Variants in DIS3L2 observed in about 807,000 individuals in gnomAD.
The protein encoded by DIS3L2 is DIS3 like 3'-5' exoribonuclease 2, also known as DIS3-like exonuclease 2.
In DIS3L2, 34 loss-of-function variants were observed where a neutral mutation model predicts 97.5. The observed-to-expected ratio is 0.35, with a 90% CI of 0.27 to 0.46. DIS3L2 has a LOEUF of 0.46. Ranked by LOEUF, DIS3L2 falls within the 20% of genes least tolerant of loss-of-function variation. DIS3L2 has a pLI of 1.00. For missense variants in DIS3L2, 1,038 were observed against 1,146.0 expected (o/e 0.91, Z 1.36); for synonymous variants, 435 against 445.2 (o/e 0.98, Z 0.29).
Position 232,270,881 on chromosome 2 carries a change from TC to T in DIS3L2, c.1659+7442del, listed in dbSNP as rs1376543410. Among the ~76,000 whole-genome samples, 662 of 132,434 alleles carry T rather than the reference TC, an allele frequency of 5.0e-3. 2 individuals carry two copies. The highest frequency in any genetic ancestry group is 6.0e-3 in the Non-Finnish European group (368 of 61,092). The allele number at this position is 132,434 out of a possible 152,430, so 86.9% of individuals were successfully genotyped here. A position where few individuals can be genotyped will look rare whatever the true frequency, so the allele number is the denominator to read the frequency against. On this transcript the variant is annotated intron_variant, in intron 13 of 20. Coordinates refer to ENST00000325385, the MANE Select transcript of DIS3L2 (RefSeq NM_152383.5). Reference sequence around the variant, plus strand: ...TCTCGTCTCTCTCTCTCTCTCTCTCTCTCTCTCTCTCTCTCTCTCTCTCTCT... The same window carrying T: ...TCTCGTCTCTCTCTCTCTCTCTCTCTTCTCTCTCTCTCTCTCTCTCTCTCT...
chr2:231,971,436 G>A (rs1054857550), intron 1 of DIS3L2, among the ~76,000 whole-genome samples: 8 of 151,184 alleles, frequency 5.3e-5, no homozygotes, highest in African/African-American at 1.9e-4. Flanking sequence ...GTGCCACCAC[G>A]CCCAGCTCAT....
At chr2:232,163,807 T>C (rs1329072419) in intron 9 of DIS3L2, among the ~76,000 whole-genome samples, 175 bp downstream of exon 9, 1 of 152,266 alleles carries the variant, frequency 6.6e-6, no homozygotes, top group Non-Finnish European at 1.5e-5. Flanking sequence ...TCTAGCCTAC[T>C]ACCTGTTTAT....
intron 14 of DIS3L2, among the ~76,000 whole-genome samples, chr2:232,301,552 A>G (rs10804383): frequency 0.23 from 34,986 of 152,102 alleles, 5,786 homozygotes; most frequent in East Asian, 0.49. Context: ...CCACATCTCC[A>G]CTGGGATTAC....
At chr2:232,309,603 C>G (rs1375633945) in intron 14 of DIS3L2, among the ~76,000 whole-genome samples, 1 of 152,014 alleles carries the variant, frequency 6.6e-6, no homozygotes, top group African/African-American at 2.4e-5. Context: ...CTCAGCACCC[C>G]CACCAGCTAG....
chr2:232,278,927 TTTTG>T (rs996673055), intron 13 of DIS3L2, among the ~76,000 whole-genome samples: 54 of 152,268 alleles, frequency 3.5e-4, no homozygotes, highest in African/African-American at 1.1e-3. Context: ...ATCAGCAATT[TTTTG>T]TTTGTTTGTT....
rs190644572 is a variant in DIS3L2, at chr2:232,068,829, T to C, written c.367-18658T>C. ...AGCTTATTTTTAATTTTAATTTTAA[T>C]TTTTTTCTTGAGACAGTCTCACTCT... On this transcript the variant is annotated intron_variant, in intron 5 of 20. Transcript: ENST00000325385. Among the ~76,000 whole-genome samples the C allele has an allele frequency of 2.8e-3, 427 of 152,166 alleles. 1 individual carries two copies. The highest frequency in any genetic ancestry group is 4.7e-3 in the Non-Finnish European group (317 of 68,008).
At chr2:231,973,625 C>T (rs1692987423) in intron 1 of DIS3L2, among the ~76,000 whole-genome samples, 1 of 152,062 alleles carries the variant, frequency 6.6e-6, no homozygotes, top group Non-Finnish European at 1.5e-5. Context: ...TCCTTCAGCT[C>T]AAGGGATCCT....
intron 1 of DIS3L2, among the ~76,000 whole-genome samples, chr2:231,991,977 G>T (rs1693598040): frequency 6.6e-6 from 1 of 152,184 alleles, no homozygotes; most frequent in Non-Finnish European, 1.5e-5. Context: ...CACTTCACGT[G>T]CTAAATGATG....
At chr2:232,199,124 A>G (rs576203290) in intron 9 of DIS3L2, among the ~76,000 whole-genome samples, 1 of 152,290 alleles carries the variant, frequency 6.6e-6, no homozygotes, top group East Asian at 1.9e-4. Flanking sequence ...TTGACCTCTG[A>G]TATCTTCTTC....
chr2:232,158,904 A>G (rs1399400250), intron 8 of DIS3L2, among the ~76,000 whole-genome samples: 1 of 152,164 alleles, frequency 6.6e-6, no homozygotes, highest in African/African-American at 2.4e-5. Flanking sequence ...GTTGTCTTTA[A>G]CCTAAACAAC....
At chr2:232,343,855 C>A in exon 14 of DIS3L2, 1 of 352,574 alleles carries the variant, frequency 2.8e-6, no homozygotes, top group South Asian at 4.8e-5. Context: ...CAGAGCTTCC[C>A]TTTATGGAGC....
chr2:232,051,055 G>T (rs1292737269), intron 5 of DIS3L2, among the ~76,000 whole-genome samples: 1 of 152,204 alleles, frequency 6.6e-6, no homozygotes, highest in Non-Finnish European at 1.5e-5. Context: ...AGGAAGAGAC[G>T]CATGCATTCC....
rs2106354647 is a variant in DIS3L2, at chr2:232,334,642, C to G, written c.2301C>G (p.Pro767=). The change falls in exon 19 of 21, where the codon CCC becomes CCG. Residue 767 remains proline (P), a synonymous_variant. Coordinates refer to ENST00000325385, the MANE Select transcript of DIS3L2 (RefSeq NM_152383.5). ...CACTGTCCCTGCAGGAGAGTGGCCC[C>G]CTGGAGTCAGAAGCCATGGTGATGG... The part of the protein sequence containing the change: ...FFAVLVKESG[P]LESEAMVMGI... 1 of 1,608,424 alleles carries G rather than the reference C, an allele frequency of 6.2e-7. No homozygotes were observed. The highest frequency in any genetic ancestry group is 8.5e-7 in the Non-Finnish European group (1 of 1,177,762).
intron 12 of DIS3L2, 33 bp downstream of exon 12, chr2:232,249,379 C>A: frequency 6.2e-7 from 1 of 1,601,210 alleles, no homozygotes. Context: ...TCTCCACTTA[C>A]CTCTTTTCTG....
chr2:232,107,520 G>A (rs1697387411), intron 6 of DIS3L2, among the ~76,000 whole-genome samples: 1 of 152,094 alleles, frequency 6.6e-6, no homozygotes, highest in Non-Finnish European at 1.5e-5. Flanking sequence ...CCAACATGGT[G>A]AAACCCCGTC....
intron 1 of DIS3L2, among the ~76,000 whole-genome samples, chr2:231,980,151 T>C (rs1693211058): frequency 6.6e-6 from 1 of 152,204 alleles, no homozygotes; most frequent in African/African-American, 2.4e-5. Context: ...TTCTCATCTA[T>C]TTTGGGCATT....
intron 5 of DIS3L2, among the ~76,000 whole-genome samples, chr2:232,075,076 T>C (rs925367016): frequency 3.9e-5 from 6 of 152,202 alleles, no homozygotes; most frequent in Non-Finnish European, 7.3e-5. Context: ...GGGAGCTGTA[T>C]GGGTGAGGTT....
intron 6 of DIS3L2, among the ~76,000 whole-genome samples, chr2:232,098,608 C>T (rs1232587772): frequency 6.6e-6 from 1 of 152,146 alleles, no homozygotes; most frequent in African/African-American, 2.4e-5. Flanking sequence ...CCTGCCTTGG[C>T]CTCCCAAAGT....
chr2:232,287,483 C>T (rs531526158), intron 13 of DIS3L2, among the ~76,000 whole-genome samples: 1 of 144,118 alleles, frequency 6.9e-6, no homozygotes, highest in East Asian at 2.1e-4. Flanking sequence ...AGTGCCGCCT[C>T]AAATTTCTGG....
Sources: allele counts gnomAD v4.1 joint callset (sites outside exome capture counted in the v4.1 genomes callset), GRCh38; gene constraint gnomAD v4.1.1; transcripts MANE v1.5; gene names NCBI Gene and HGNC (gene_info 2026-07-23, HGNC 2026-07-21).